Variants in CEP97 observed in about 807,000 individuals in gnomAD.
CEP97 encodes the protein centrosomal protein 97.
Under a neutral mutation model 73.1 loss-of-function variants are expected in CEP97, and 43 were observed. The ratio of observed to expected loss-of-function variants is 0.59; its 90% CI spans 0.46 to 0.76. The LOEUF (loss-of-function observed/expected upper bound fraction) is 0.76, where lower values mean the gene tolerates loss of function less well. CEP97 is among the 30% of genes least tolerant of loss of function. The pLI is 0.00. For synonymous variants in CEP97, 337 were observed against 370.0 expected (o/e 0.91, Z 1.02); for missense variants, 939 against 1,014.0 (o/e 0.93, Z 1.00).
chr3:101,738,545 G>A (rs535357921), intron 6 of CEP97, among the ~76,000 whole-genome samples: 9 of 152,046 alleles, frequency 5.9e-5, no homozygotes, highest in Non-Finnish European at 1.3e-4. Context: ...ACTTAAAACC[G>A]CCCAACTACA....
rs771356088 is a variant in CEP97, at chr3:101,765,264, C to T, written c.2311C>T (p.Leu771=). ...CTCAAATAACGAGCAGGACAATAGT[C>T]TGCTTGAACAGTATTTAACTTCAGT... The part of the protein sequence containing the change: ...ESSNNEQDNS[L]LEQYLTSVQQ... The change falls in exon 11 of 11, where the codon CTG becomes TTG. Residue 771 remains leucine (L), a synonymous_variant. Coordinates refer to ENST00000341893, the MANE Select transcript of CEP97 (RefSeq NM_024548.4). 5.0e-6 allele frequency: 8 copies of T among 1,614,056 alleles called. No individual in the cohort carries two copies. The Admixed American group carries it at 1.2e-4, about 24-fold the overall frequency.
At chr3:101,744,352 G>A (rs1938549940) in intron 6 of CEP97, among the ~76,000 whole-genome samples, 1 of 152,068 alleles carries the variant, frequency 6.6e-6, no homozygotes, top group African/African-American at 2.4e-5. Flanking sequence ...GGGAGGCCAA[G>A]GTGGGTGGAT....
intron 3 of CEP97, among the ~76,000 whole-genome samples, chr3:101,728,497 C>A (rs1375987747): frequency 6.6e-6 from 1 of 151,998 alleles, no homozygotes; most frequent in Non-Finnish European, 1.5e-5. Flanking sequence ...CTCCTGACCT[C>A]AGGCTGTCCA....
rs1436381953 is a variant in CEP97, at chr3:101,766,767, A to G, written c.*1216A>G. The stretch of plus-strand genomic sequence containing the variant: ...ACATGTATTTGGTTTCCCTCAACTT[A>G]CAGACATACAGCTATTTAAAACTAT... On this transcript the variant is annotated 3_prime_UTR_variant, in exon 11 of 11. Transcript: ENST00000341893. 1.3e-5 allele frequency: 2 copies of G among 152,186 alleles called. No individual in the cohort carries two copies. The highest frequency in any genetic ancestry group is 4.8e-5 in the African/African-American group (2 of 41,422). The allele number at this position is 152,186 out of a possible 1,614,324, so 9.4% of individuals were successfully genotyped here.
chr3:101,731,086 A>G (rs1938093230), intron 4 of CEP97, among the ~76,000 whole-genome samples: 1 of 148,708 alleles, frequency 6.7e-6, no homozygotes, highest in Non-Finnish European at 1.5e-5. Flanking sequence ...AACACATTCT[A>G]CCTCCCTTTA....
chr3:101,727,351 C>T, intron 2 of CEP97, 32 bp from the exon 3 acceptor site: 1 of 1,549,920 alleles, frequency 6.5e-7, no homozygotes, highest in Non-Finnish European at 8.8e-7. Context: ...ATATGTTATT[C>T]CTAAAAATAA....
At chr3:101,759,276 A>G (rs1427579952) in intron 9 of CEP97, 1 of 152,284 alleles carries the variant, frequency 6.6e-6, no homozygotes, top group Non-Finnish European at 1.5e-5. Flanking sequence ...GGCAGAGTCT[A>G]GGAGACATGA....
At chr3:101,764,730 C>T in intron 10 of CEP97, 117 bp from the exon 11 acceptor site, 1 of 823,894 alleles carries the variant, frequency 1.2e-6, no homozygotes, top group South Asian at 1.8e-5. Flanking sequence ...CTGCAGTGAG[C>T]CATGATTGTG....
rs1466671991 is a variant in CEP97, at chr3:101,767,226, T to C, written c.*1675T>C. 2 of 152,216 alleles carry C rather than the reference T, an allele frequency of 1.3e-5. No individual in the cohort carries two copies. The highest frequency in any genetic ancestry group is 2.9e-5 in the Non-Finnish European group (2 of 68,038). The allele number at this position is 152,216 out of a possible 1,614,324, so 9.4% of individuals were successfully genotyped here. ...AATCCAGAATCCCTTGAAAAGGAAA[T>C]ATTTTCTGTTTCTTATAAATAAAAG... On this transcript the variant is annotated 3_prime_UTR_variant, in exon 11 of 11. Transcript: ENST00000341893.
Position 101,765,480 on chromosome 3 carries a change from G to T in CEP97, c.2527G>T (p.Ala843Ser). 4.3e-6 allele frequency: 7 copies of T among 1,614,128 alleles called. No homozygotes were observed. The South Asian group carries it at 7.7e-5, about 18-fold the overall frequency. Residue 843 changes from alanine to serine, a missense_variant, in exon 11 of 11, where the codon GCA (alanine) becomes TCA (serine). By Grantham distance (99) the Ala-to-Ser change is moderately conservative. Transcript: ENST00000341893. ...GACACAAGAGAATTCTAAATTAAATGCAGAAGTTCAGGGGCAGCAGCCAGA... is the reference window on the plus strand; with the variant it reads ...GACACAAGAGAATTCTAAATTAAATTCAGAAGTTCAGGGGCAGCAGCCAGA... Reference protein sequence around the residue: ...SQTQENSKLNAEVQGQQPECD... With the variant: ...SQTQENSKLNSEVQGQQPECD...
Position 101,758,006 on chromosome 3 carries a change from T to C in CEP97, c.1400T>C (p.Met467Thr). The C allele has an allele frequency of 6.2e-7, 1 of 1,614,198 alleles. No individual in the cohort carries two copies. Residue 467 changes from methionine (M) to threonine (T), a missense_variant, in exon 9 of 11, where the codon ATG (methionine) becomes ACG (threonine). Physicochemically the swap from Met to Thr is moderately conservative, Grantham distance 81. Coordinates refer to ENST00000341893, the MANE Select transcript of CEP97 (RefSeq NM_024548.4). ...GCAAATGAGAATTCTGTTCAAATGA[T>C]GAGAAGTGAAATCAATACAGAGGTA... is the stretch of plus-strand genomic sequence containing the variant. Reference protein sequence around the residue: ...WAANENSVQMMRSEINTEVNE... With the variant: ...WAANENSVQMTRSEINTEVNE...
intron 6 of CEP97, among the ~76,000 whole-genome samples, chr3:101,742,970 C>T (rs974475507): frequency 9.2e-5 from 14 of 152,196 alleles, no homozygotes; most frequent in African/African-American, 2.4e-4. Flanking sequence ...CATGGCCGCA[C>T]GTGGTGGCTC....
At position 101,740,836 on chromosome 3, in the gene CEP97, G is replaced by A. The variant is rs560529885; in HGVS notation, c.728+8182G>A. ...ACTCCCTACCTCAGGTGATCCACCC[G>A]CCTCGGCCTCCCAAAGTGTTGGGAT... On this transcript the variant is annotated intron_variant, in intron 6 of 10. Transcript: ENST00000341893. Among the ~76,000 whole-genome samples the A allele has an allele frequency of 4.6e-5, 7 of 152,260 alleles. No individual in the cohort carries two copies. The South Asian group carries it at 6.2e-4, about 14-fold the overall frequency.
chr3:101,741,804 G>A (rs1938463627), intron 6 of CEP97, among the ~76,000 whole-genome samples: 1 of 152,176 alleles, frequency 6.6e-6, no homozygotes, highest in Non-Finnish European at 1.5e-5. Context: ...CACTTTGGGA[G>A]TCCGAGGCAG....
intron 6 of CEP97, among the ~76,000 whole-genome samples, chr3:101,753,276 C>T (rs1023265184): frequency 1.8e-4 from 27 of 152,138 alleles, no homozygotes; most frequent in Admixed American, 5.2e-4. Context: ...GAGGAGTACC[C>T]GGCTGTGTGA....
chr3:101,753,878 T>C (rs1288070265), intron 6 of CEP97, among the ~76,000 whole-genome samples: 1 of 152,198 alleles, frequency 6.6e-6, no homozygotes, highest in African/African-American at 2.4e-5. Flanking sequence ...TGCCTCGCCC[T>C]GCTTCGGCTT....
In CEP97 at chr3:101,745,090, A is replaced by G. The variant is rs546792244; in HGVS notation, c.729-10340A>G. ...GACAAGCATCTTTGTGTGGCACCTC[A>G]GTGTTTGGAGTTCTTTCTGAATGTG... On this transcript the variant is annotated intron_variant, in intron 6 of 10. Transcript: ENST00000341893. Among the ~76,000 whole-genome samples the G allele has an allele frequency of 3.3e-5, 5 of 152,320 alleles. No individual in the cohort carries two copies. In the East Asian group the frequency reaches 7.7e-4, roughly 23 times the overall value.
In CEP97 at chr3:101,731,843, C is replaced by A; in HGVS notation, c.451C>A (p.Leu151Met). Residue 151 changes from leucine to methionine, a missense_variant, in exon 5 of 11, where the codon CTG (leucine) becomes ATG (methionine). Leu to Met is a conservative substitution (Grantham distance 15). Coordinates refer to ENST00000341893, the MANE Select transcript of CEP97 (RefSeq NM_024548.4). ...DLSKLVSLKTLLLHGNIITSL... is the reference protein window; with the variant it reads ...DLSKLVSLKTMLLHGNIITSL... ...TCATACTGTTTTTACTTTCAAGACC[C>A]TGCTTTTACATGGAAACATCATCAC... The A allele has an allele frequency of 6.3e-7, 1 of 1,576,198 alleles. No homozygotes were observed. Among genetic ancestry groups the A allele is most frequent in the African/African-American group, 1.4e-5 (1 of 74,058 alleles).
chr3:101,729,864 G>T (rs528130108), intron 4 of CEP97, among the ~76,000 whole-genome samples: 1 of 152,042 alleles, frequency 6.6e-6, no homozygotes, highest in African/African-American at 2.4e-5. Flanking sequence ...GGTTGCAGTG[G>T]TGCAATCTTG....
Sources: gnomAD v4.1 joint callset for allele counts (sites outside exome capture counted in the v4.1 genomes callset) on GRCh38, gnomAD v4.1.1 for gene constraint, MANE v1.5 for transcripts, NCBI Gene and HGNC (gene_info 2026-07-23, HGNC 2026-07-21) for gene names.